TET2: variants seen among roughly 807,000 people sequenced by gnomAD.
TET2 encodes tet methylcytosine dioxygenase 2.
In TET2, 299 loss-of-function variants were observed where a neutral mutation model predicts 142.9. The observed-to-expected ratio is 2.09, with a 90% CI of 1.90 to 2.30. The LOEUF is 2.30. TET2 is among the 30% of genes most tolerant of loss of function. TET2 has a pLI of 0.00. For missense variants in TET2, 2,418 were observed against 2,378.0 expected (o/e 1.02, Z -0.35); for synonymous variants, 819 against 849.0 (o/e 0.96, Z 0.61).
intron 2 of TET2, among the ~76,000 whole-genome samples, chr4:105,223,502 C>T (rs1271042125): frequency 6.6e-6 from 1 of 151,898 alleles, no homozygotes; most frequent in Non-Finnish European, 1.5e-5. Flanking sequence ...TAAAGTCAAA[C>T]GAAATGGAGA....
Position 105,159,078 on chromosome 4 carries a change from G to A in TET2, c.-193+12099G>A, listed in dbSNP as rs1015610156. On this transcript the variant is annotated intron_variant, in intron 1 of 10. Transcript: ENST00000380013. ...GAGTAAGCTTTGAGTGTCTGTGGGCGGAGGAATCAACACAGTTTAATTCAT... is the reference window on the plus strand; with the variant it reads ...GAGTAAGCTTTGAGTGTCTGTGGGCAGAGGAATCAACACAGTTTAATTCAT... 2.6e-5 allele frequency among the ~76,000 whole-genome samples: 4 copies of A among 151,944 alleles called. 1 individual carries two copies. The South Asian group carries it at 8.3e-4, about 32-fold the overall frequency.
At chr4:105,152,927 A>C (rs1426595341) in intron 1 of TET2, among the ~76,000 whole-genome samples, 1 of 152,128 alleles carries the variant, frequency 6.6e-6, no homozygotes, top group Admixed American at 6.5e-5. Context: ...AGAGAAAAAT[A>C]GTGTTAAGTG....
chr4:105,216,416 A>AT (rs200671516), intron 2 of TET2, among the ~76,000 whole-genome samples: 2,099 of 152,078 alleles, frequency 0.014, 30 homozygotes, highest in Middle Eastern at 0.058. Flanking sequence ...CTTCATCGTA[A>AT]TTCAGTGCTT....
intron 2 of TET2, among the ~76,000 whole-genome samples, chr4:105,224,897 C>T (rs1001836906): frequency 6.6e-6 from 1 of 151,560 alleles, no homozygotes; most frequent in African/African-American, 2.4e-5. Context: ...CTTTTTGGTT[C>T]CTTGGAAGCC....
rs976310308 is a variant in TET2, at chr4:105,168,571, C to CT, written c.-193+21601dup. ...CTATTGACCTTGCTTTATTTTCTCT[C>CT]TTTTTTTTTAAAATTTTATTTTTTT... On this transcript the variant is annotated intron_variant, in intron 1 of 10. Coordinates refer to ENST00000380013, the MANE Select transcript of TET2 (RefSeq NM_001127208.3). Among the ~76,000 whole-genome samples, 39 of 151,752 alleles carry CT rather than the reference C, an allele frequency of 2.6e-4. No homozygotes were observed. In the South Asian group the frequency reaches 3.1e-3, roughly 12 times the overall value.
chr4:105,232,815 A>G (rs1028387379), intron 2 of TET2, among the ~76,000 whole-genome samples: 1 of 152,214 alleles, frequency 6.6e-6, no homozygotes, highest in Non-Finnish European at 1.5e-5. Context: ...AGAGAAAAAC[A>G]TAGAATCACC....
Position 105,239,188 on chromosome 4 carries a change from AC to A in TET2, c.3409+1838del, listed in dbSNP as rs774130445. On this transcript the variant is annotated intron_variant, in intron 3 of 10. Coordinates refer to ENST00000380013, the MANE Select transcript of TET2 (RefSeq NM_001127208.3). ...AGACTTTGTTGTTCCATTACTCTACACAAGCAGGGTACACTTAGCATAATTC... is the reference window on the plus strand; with the variant it reads ...AGACTTTGTTGTTCCATTACTCTACAAAGCAGGGTACACTTAGCATAATTC... The A allele has an allele frequency of 4.9e-4, 118 of 241,660 alleles. 1 individual carries two copies. The highest frequency in any genetic ancestry group is 8.7e-4 in the Non-Finnish European group (99 of 114,234). 15.0% of individuals were successfully genotyped at this position (241,660 alleles called of 1,614,324 possible). A position where few individuals can be genotyped will look rare whatever the true frequency, so the allele number is the denominator to read the frequency against.
rs567790415 is a variant in TET2 at position 105,207,746 on chromosome 4, A to G, written c.-47+17241A>G. 3.9e-5 allele frequency among the ~76,000 whole-genome samples: 6 copies of G among 152,318 alleles called. No individual in the cohort carries two copies. The South Asian group carries it at 1.0e-3, about 26-fold the overall frequency. Reference sequence around the variant, plus strand: ...AGCTCTAGGAACCAAATTTAACTTTATCACTCTTCTGATTTAGAATATTTT... The same window carrying G: ...AGCTCTAGGAACCAAATTTAACTTTGTCACTCTTCTGATTTAGAATATTTT... On this transcript the variant is annotated intron_variant, in intron 2 of 10. Transcript: ENST00000380013.
At chr4:105,230,290 G>A (rs1291512255) in intron 2 of TET2, among the ~76,000 whole-genome samples, 1 of 152,088 alleles carries the variant, frequency 6.6e-6, no homozygotes, top group Non-Finnish European at 1.5e-5. Flanking sequence ...GTGATCCACT[G>A]GCCTTAGCTT....
At chr4:105,252,848 A>C (rs751922174) in intron 6 of TET2, among the ~76,000 whole-genome samples, 1 of 152,138 alleles carries the variant, frequency 6.6e-6, no homozygotes, top group Non-Finnish European at 1.5e-5. Context: ...ACTTGTTTGC[A>C]TGTGGAGTTG....
intron 8 of TET2, among the ~76,000 whole-genome samples, chr4:105,266,563 C>T (rs1429146002): frequency 6.6e-6 from 1 of 151,842 alleles, no homozygotes; most frequent in African/African-American, 2.4e-5. Context: ...CAGAGGAAAG[C>T]ATGAGAGTGA....
intron 8 of TET2, 96 bp from the exon 9 acceptor site, chr4:105,269,514 T>G: frequency 7.6e-7 from 1 of 1,322,124 alleles, no homozygotes; most frequent in South Asian, 1.5e-5. Flanking sequence ...GTTCAAAACA[T>G]TTTTTTAAAG....
intron 2 of TET2, among the ~76,000 whole-genome samples, chr4:105,196,762 C>G (rs527813870): frequency 6.6e-6 from 1 of 152,264 alleles, no homozygotes; most frequent in South Asian, 2.1e-4. Flanking sequence ...TTATGCTTGT[C>G]TCCTTTGCAG....
At chr4:105,271,077 A>T (rs1258756685) in intron 9 of TET2, among the ~76,000 whole-genome samples, 1 of 152,212 alleles carries the variant, frequency 6.6e-6, no homozygotes, top group Non-Finnish European at 1.5e-5. Context: ...CAGGCCACAT[A>T]GGATTTCTGT....
At position 105,150,189 on chromosome 4, in the gene TET2, A is replaced by T. The variant is rs902158727; in HGVS notation, c.-193+3210A>T. ...AGTAGGTAAATTCTTATGAATTCTT[A>T]TGAAATTACCTTGAAATAAAATATC... On this transcript the variant is annotated intron_variant, in intron 1 of 10. Transcript: ENST00000380013. Among the ~76,000 whole-genome samples the T allele has an allele frequency of 2.0e-5, 3 of 152,214 alleles. No homozygotes were observed. In the East Asian group the frequency reaches 5.8e-4, roughly 29 times the overall value.
At chr4:105,171,723 A>G (rs1179533592) in intron 1 of TET2, 4 of 152,220 alleles carry the variant, frequency 2.6e-5, no homozygotes, top group Admixed American at 6.5e-5. Flanking sequence ...GGAATGTACA[A>G]TATAGTACCT....
intron 5 of TET2, among the ~76,000 whole-genome samples, chr4:105,243,236 C>A (rs1053254553): frequency 6.6e-6 from 1 of 152,112 alleles, no homozygotes; most frequent in African/African-American, 2.4e-5. Context: ...TTTATATTGT[C>A]ATTTATGAAA....
At chr4:105,211,609 A>G (rs1727166282) in intron 2 of TET2, among the ~76,000 whole-genome samples, 1 of 152,176 alleles carries the variant, frequency 6.6e-6, no homozygotes, top group Non-Finnish European at 1.5e-5. Flanking sequence ...ACAGGTCTAA[A>G]TGAAAGGATA....
chr4:105,235,774 T>C lies in TET2; in HGVS notation c.1832T>C (p.Met611Thr), dbSNP rs1200813061. Residue 611 changes from methionine to threonine, a missense_variant, in exon 3 of 11, where the codon ATG (methionine) becomes ACG (threonine). Transcript: ENST00000380013. The part of the protein sequence containing the change: ...TSKQYTGNSN[M>T]PGGLPRQAYT... ...AAACAATACACTGGAAATTCCAACA[T>C]GCCTGGGGGGCTCCCAAGGCAAGCT... 1 of 1,614,106 alleles carries C rather than the reference T, an allele frequency of 6.2e-7. No individual in the cohort carries two copies. The highest frequency in any genetic ancestry group is 2.2e-5 in the East Asian group (1 of 44,856).
Sources: gnomAD v4.1 joint callset for allele counts (sites outside exome capture counted in the v4.1 genomes callset) on GRCh38, gnomAD v4.1.1 for gene constraint, MANE v1.5 for transcripts, NCBI Gene and HGNC (gene_info 2026-07-23, HGNC 2026-07-21) for gene names.